ATIC: variants seen among roughly 807,000 people sequenced by gnomAD.
ATIC encodes 5-aminoimidazole-4-carboxamide ribonucleotide formyltransferase/IMP cyclohydrolase.
In ATIC, 64 loss-of-function variants were observed where a neutral mutation model predicts 72.5. The observed-to-expected ratio is 0.88, with a 90% CI of 0.72 to 1.09. The LOEUF (loss-of-function observed/expected upper bound fraction) is 1.09, where lower values mean the gene tolerates loss of function less well. Among genes scored for constraint, ATIC ranks in the 50% least tolerant of loss-of-function variants. The probability of loss-of-function intolerance (pLI) is 0.00; values close to 1 mark genes in which losing one functional copy is unlikely to be tolerated. For missense variants in ATIC, 787 were observed against 732.4 expected, an observed-to-expected ratio of 1.07 and a Z score of -0.86; for synonymous variants, 281 against 267.1, an observed-to-expected ratio of 1.05 and a Z score of -0.51.
chr2:215,325,332 AAGTC>A lies in ATIC; in HGVS notation c.379+6_379+9del. ...GGCTGTGGAGCAAATTGACATTGGTAAGTCAGAAAAACCATTTTAGAAGACTGAG... is the reference window on the plus strand; with the variant it reads ...GGCTGTGGAGCAAATTGACATTGGTAAGAAAAACCATTTTAGAAGACTGAG... On this transcript the variant is annotated splice_donor_5th_base_variant and intron_variant, in intron 5 of 15. Coordinates refer to ENST00000236959, the MANE Select transcript of ATIC (RefSeq NM_004044.7). The A allele has an allele frequency of 6.2e-7, 1 of 1,608,282 alleles. No homozygotes were observed.
Position 215,349,693 on chromosome 2 carries a change from G to A in ATIC, c.*38G>A. 2 of 1,614,032 alleles carry A rather than the reference G, an allele frequency of 1.2e-6. No individual in the cohort carries two copies. The highest frequency in any genetic ancestry group is 1.7e-6 in the Non-Finnish European group (2 of 1,179,972). On this transcript the variant is annotated 3_prime_UTR_variant, in exon 16 of 16. Transcript: ENST00000236959. ...CTGTTTTTTGGCTTGCTTATGTGTA[G>A]GTGAACAGTCACGCCTGAAACTTTG... is the stretch of plus-strand genomic sequence containing the variant.
the ATIC span, chr2:215,367,755 A>G: frequency 4.6e-6 from 5 of 1,088,216 alleles, no homozygotes; most frequent in South Asian, 1.3e-5. Context: ...TGTTTGCTTC[A>G]TGTTTGGAAG....
intron 7 of ATIC, among the ~76,000 whole-genome samples, chr2:215,330,439 G>T (rs2052878557): frequency 1.3e-5 from 2 of 152,064 alleles, no homozygotes; most frequent in African/African-American, 4.8e-5. Context: ...CTTCCCCGCA[G>T]TTTCTCCTGT....
At chr2:215,316,106 A>G (rs1032882499) in intron 2 of ATIC, among the ~76,000 whole-genome samples, 4 of 152,210 alleles carry the variant, frequency 2.6e-5, no homozygotes, top group African/African-American at 9.7e-5. Flanking sequence ...AGCAGTGAGC[A>G]TACATAGAAT....
the ATIC span, chr2:215,364,786 G>T: frequency 1.2e-6 from 1 of 821,418 alleles, no homozygotes; most frequent in South Asian, 1.4e-5. Flanking sequence ...CTTCCGAAGG[G>T]TCTCTGCCCC....
chr2:215,348,511 A>G (rs990997437), intron 14 of ATIC, among the ~76,000 whole-genome samples: 3 of 152,214 alleles, frequency 2.0e-5, no homozygotes, highest in South Asian at 2.1e-4. Context: ...AAAAAATTAC[A>G]TATGTACTTG....
At chr2:215,322,709 A>T (rs1218886024) in intron 4 of ATIC, among the ~76,000 whole-genome samples, 1 of 152,082 alleles carries the variant, frequency 6.6e-6, no homozygotes, top group Non-Finnish European at 1.5e-5. Flanking sequence ...GTTAATTTTC[A>T]TATACAGACA....
the ATIC span, among the ~76,000 whole-genome samples, chr2:215,365,249 CT>C: frequency 6.6e-6 from 1 of 152,180 alleles, no homozygotes; most frequent in African/African-American, 2.4e-5. Flanking sequence ...AATAAAGCTT[CT>C]TTGTAGCATT....
At chr2:215,314,003 A>G (rs147955183) in intron 2 of ATIC, among the ~76,000 whole-genome samples, 23 of 152,024 alleles carry the variant, frequency 1.5e-4, no homozygotes, top group African/African-American at 5.5e-4. Flanking sequence ...TTTTTTCCCC[A>G]CCAAACTTTG....
chr2:215,350,432 C>T (rs1437054525), downstream of ATIC, among the ~76,000 whole-genome samples: 4 of 152,106 alleles, frequency 2.6e-5, no homozygotes, highest in Admixed American at 1.3e-4. Context: ...CGTGCCCGGC[C>T]CTCATGCCAT....
At position 215,349,709 on chromosome 2, in the gene ATIC, TG is replaced by T; in HGVS notation, c.*55del. On this transcript the variant is annotated 3_prime_UTR_variant, in exon 16 of 16. Transcript: ENST00000236959. ...TTATGTGTAGGTGAACAGTCACGCC[TG>T]AAACTTTGAGGATAACTTTTTAAAA... 4 of 1,613,616 alleles carry T rather than the reference TG, an allele frequency of 2.5e-6. No homozygotes were observed. The highest frequency in any genetic ancestry group is 1.3e-5 in the African/African-American group (1 of 75,028).
At chr2:215,321,464 G>C (rs1559268143) in intron 4 of ATIC, among the ~76,000 whole-genome samples, 1 of 152,162 alleles carries the variant, frequency 6.6e-6, no homozygotes. Flanking sequence ...TTTTTGTGTG[G>C]ACATACACAT....
chr2:215,361,514 G>C, the ATIC span: 1 of 1,351,774 alleles, frequency 7.4e-7, no homozygotes, highest in Non-Finnish European at 1.1e-6. Flanking sequence ...GATGGATCTT[G>C]GCAGAGAGAC....
At chr2:215,357,388 A>G in the ATIC span, among the ~76,000 whole-genome samples, 1 of 152,166 alleles carries the variant, frequency 6.6e-6, no homozygotes, top group Non-Finnish European at 1.5e-5. Flanking sequence ...AGCTTCAACC[A>G]ATGCTAGTTT....
At chr2:215,356,597 C>T in the ATIC span, among the ~76,000 whole-genome samples, 2 of 152,170 alleles carry the variant, frequency 1.3e-5, no homozygotes, top group Admixed American at 6.5e-5. Flanking sequence ...AACTCTTAGC[C>T]ATCACTGTCC....
intron 2 of ATIC, among the ~76,000 whole-genome samples, chr2:215,313,663 A>G (rs1022030293): frequency 6.6e-6 from 1 of 152,218 alleles, no homozygotes. Flanking sequence ...TTCTAGATCC[A>G]TGTAGAGGTA....
chr2:215,312,339 C>A, intron 1 of ATIC, 159 bp from the exon 2 acceptor site: 1 of 1,498,200 alleles, frequency 6.7e-7, no homozygotes, highest in Non-Finnish European at 9.1e-7. Flanking sequence ...GAGCAGCTCG[C>A]GGGTGTAAGA....
chr2:215,348,689 G>A lies in ATIC; in HGVS notation c.1504-405G>A, dbSNP rs375502341. ...TACAATTAAGAAATCCTGGCCGGGC[G>A]CGGTGGCTCATGCCTATAATCCCAG... is the stretch of plus-strand genomic sequence containing the variant. On this transcript the variant is annotated intron_variant, in intron 14 of 15. Transcript: ENST00000236959. The A allele has an allele frequency of 4.3e-4, 181 of 422,878 alleles. 1 individual carries two copies. The highest frequency in any genetic ancestry group is 2.4e-3 in the South Asian group (145 of 59,622). The allele number at this position is 422,878 out of a possible 1,614,324, so 26.2% of individuals were successfully genotyped here. A position where few individuals can be genotyped will look rare whatever the true frequency, so the allele number is the denominator to read the frequency against.
chr2:215,332,962 A>G (rs993557466), intron 8 of ATIC, among the ~76,000 whole-genome samples: 8 of 152,204 alleles, frequency 5.3e-5, no homozygotes, highest in Non-Finnish European at 1.2e-4. Context: ...CCTCCAGCAC[A>G]TGATTTGTTC....
Sources: allele counts gnomAD v4.1 joint callset (sites outside exome capture counted in the v4.1 genomes callset), GRCh38; gene constraint gnomAD v4.1.1; transcripts MANE v1.5; gene names NCBI Gene and HGNC (gene_info 2026-07-23, HGNC 2026-07-21).